Variants in AMPD1 observed in about 807,000 individuals in gnomAD.
AMPD1 encodes the protein adenosine monophosphate deaminase 1, also known as AMP deaminase 1.
A neutral mutation model predicts 82.9 loss-of-function variants in AMPD1; 74 were observed. The observed-to-expected ratio is 0.89, with a 90% CI of 0.74 to 1.08. AMPD1 has a LOEUF of 1.08. Ranked by LOEUF, AMPD1 falls within the 50% of genes least tolerant of loss-of-function variation. The pLI is 0.00. For synonymous variants in AMPD1, 333 were observed against 320.5 expected (o/e 1.04, Z -0.42); for missense variants, 881 against 924.5 (o/e 0.95, Z 0.61).
chr1:114,688,438 C>G (rs961116502), intron 3 of AMPD1, 123 bp downstream of exon 3: 1 of 1,184,408 alleles, frequency 8.4e-7, no homozygotes, highest in Non-Finnish European at 1.2e-6. Flanking sequence ...TTAGGAATTG[C>G]TAACTCTGGC....
At chr1:114,683,188 G>A (rs905301804) in intron 5 of AMPD1, 2 of 444,936 alleles carry the variant, frequency 4.5e-6, no homozygotes, top group African/African-American at 2.0e-5. Context: ...AGAACATGTA[G>A]TTTACATCTA....
Position 114,679,704 on chromosome 1 carries a change from T to A in AMPD1, c.772A>T (p.Thr258Ser), listed in dbSNP as rs767132701. The change falls in exon 7 of 16, where the codon ACC (threonine) becomes TCC (serine). Residue 258 changes from threonine to serine, a missense_variant. By Grantham distance (58) the Thr-to-Ser change is moderately conservative. Transcript: ENST00000520113. ...AACTTCAGGCGCCGGTGGGTATAGG[T>A]CTTACTGTGAAAAATAAAATCACAT... ...LALIAQGPVK[T>S]YTHRRLKFLS... is the part of the protein sequence containing the mutation. The A allele has an allele frequency of 6.2e-7, 1 of 1,613,956 alleles. No individual in the cohort carries two copies. Among genetic ancestry groups the A allele is most frequent in the South Asian group, 1.1e-5 (1 of 91,066 alleles).
intron 4 of AMPD1, among the ~76,000 whole-genome samples, chr1:114,686,157 G>T (rs1306633601): frequency 6.6e-6 from 1 of 152,132 alleles, no homozygotes; most frequent in African/African-American, 2.4e-5. Flanking sequence ...GATCTACTGT[G>T]TAACCATCTG....
chr1:114,689,849 G>A (rs1290358805), intron 2 of AMPD1, among the ~76,000 whole-genome samples: 1 of 152,094 alleles, frequency 6.6e-6, no homozygotes, highest in Admixed American at 6.6e-5. Context: ...TCATCATATA[G>A]GATGGTGATG....
chr1:114,687,106 C>T, intron 3 of AMPD1, 196 bp from the exon 4 acceptor site: 2 of 653,640 alleles, frequency 3.1e-6, no homozygotes, highest in Non-Finnish European at 5.5e-6. Context: ...GCCCCTCTCC[C>T]TGGTCTACCT....
At chr1:114,687,312 G>T (rs778969260) in intron 3 of AMPD1, among the ~76,000 whole-genome samples, 6 of 152,116 alleles carry the variant, frequency 3.9e-5, no homozygotes, top group Non-Finnish European at 7.4e-5. Flanking sequence ...AACAAATGGT[G>T]CAAAAATGAC....
At chr1:114,677,597 C>T (rs1217331876) in intron 9 of AMPD1, 83 bp from the exon 10 acceptor site, 3 of 1,571,602 alleles carry the variant, frequency 1.9e-6, no homozygotes, top group African/African-American at 1.4e-5. Context: ...CCCTTTCTAA[C>T]TCTTCCTTTC....
chr1:114,676,570 G>T (rs550866273), intron 10 of AMPD1, among the ~76,000 whole-genome samples: 2 of 152,306 alleles, frequency 1.3e-5, no homozygotes, highest in East Asian at 1.9e-4. Context: ...CTAAATGGTT[G>T]TGTTACCTTG....
chr1:114,684,499 G>T, intron 4 of AMPD1, 135 bp from the exon 5 acceptor site: 1 of 901,390 alleles, frequency 1.1e-6, no homozygotes, highest in Non-Finnish European at 1.7e-6. Context: ...TCACCTGGCT[G>T]CTTCTTAATT....
At chr1:114,673,407 C>A in intron 15 of AMPD1, 135 bp from the exon 16 acceptor site, 3 of 1,113,108 alleles carry the variant, frequency 2.7e-6, no homozygotes, top group Non-Finnish European at 3.9e-6. Context: ...CCATTAAAAG[C>A]ACCCATCTAG....
At chr1:114,680,135 A>T in intron 6 of AMPD1, 124 bp downstream of exon 6, 1 of 884,902 alleles carries the variant, frequency 1.1e-6, no homozygotes, top group Non-Finnish European at 1.9e-6. Flanking sequence ...AGGGCTTAAT[A>T]CAGTGTTTGA....
intron 3 of AMPD1, 105 bp downstream of exon 3, chr1:114,688,456 T>C: frequency 7.5e-7 from 1 of 1,338,088 alleles, no homozygotes; most frequent in East Asian, 2.3e-5. Flanking sequence ...GGCAGAGTTC[T>C]TCCTCTGAGT....
intron 5 of AMPD1, among the ~76,000 whole-genome samples, chr1:114,681,305 C>T (rs764254356): frequency 4.6e-5 from 7 of 151,658 alleles, no homozygotes; most frequent in Non-Finnish European, 1.0e-4. Context: ...TAGAAAATGC[C>T]GTTTCCAGGC....
intron 5 of AMPD1, among the ~76,000 whole-genome samples, chr1:114,681,593 C>CAA (rs59385008): frequency 9.6e-6 from 1 of 103,932 alleles, no homozygotes; most frequent in Admixed American, 1.0e-4. Context: ...GACTCCATCT[C>CAA]AAAAAAAAAA....
chr1:114,682,680 G>T (rs984345784), intron 5 of AMPD1, among the ~76,000 whole-genome samples: 1 of 151,516 alleles, frequency 6.6e-6, no homozygotes, highest in African/African-American at 2.4e-5. Context: ...CCGGGTTCAC[G>T]CCATTCTCCT....
At chr1:114,674,462 A>T (rs1371653043) in intron 13 of AMPD1, among the ~76,000 whole-genome samples, 2 of 152,140 alleles carry the variant, frequency 1.3e-5, no homozygotes, top group African/African-American at 2.4e-5. Context: ...ATCTGGCAAA[A>T]ACTAGCTTAA....
rs751538415 is a variant in AMPD1, at chr1:114,673,286, G to A, written c.2086-14C>T. The A allele has an allele frequency of 6.2e-7, 1 of 1,613,560 alleles. No individual in the cohort carries two copies. Among genetic ancestry groups the A allele is most frequent in the Non-Finnish European group, 8.5e-7 (1 of 1,179,522 alleles). Reference sequence around the variant, plus strand: ...CTTTACTTTCTCCTATAAGAGAAAAGGATGGCAGAATGATTGTTGTCTCTT... The same window carrying A: ...CTTTACTTTCTCCTATAAGAGAAAAAGATGGCAGAATGATTGTTGTCTCTT... On this transcript the variant is annotated splice_polypyrimidine_tract_variant and intron_variant, in intron 15 of 15. Transcript: ENST00000520113.
chr1:114,678,241 T>G, intron 8 of AMPD1, 92 bp downstream of exon 8: 1 of 1,528,840 alleles, frequency 6.5e-7, no homozygotes, highest in South Asian at 1.1e-5. Context: ...GCCAAGATGG[T>G]TAAGAGACCT....
intron 4 of AMPD1, among the ~76,000 whole-genome samples, chr1:114,684,855 C>T (rs933921331): frequency 6.6e-6 from 1 of 152,148 alleles, no homozygotes; most frequent in African/African-American, 2.4e-5. Context: ...AACCCATGCA[C>T]GGCTTTCTTC....
Sources: allele counts gnomAD v4.1 joint callset (sites outside exome capture counted in the v4.1 genomes callset), GRCh38; gene constraint gnomAD v4.1.1; transcripts MANE v1.5; gene names NCBI Gene and HGNC (gene_info 2026-07-23, HGNC 2026-07-21).